SNCAIP: variants seen among roughly 807,000 people sequenced by gnomAD.
SNCAIP encodes the protein synuclein alpha interacting protein, also known as synphilin-1.
A neutral mutation model predicts 86.7 loss-of-function variants in SNCAIP; 43 were observed. The observed-to-expected ratio is 0.50, with a 90% confidence interval of 0.39 to 0.64. The LOEUF is 0.64. Among genes scored for constraint, SNCAIP ranks in the 30% least tolerant of loss-of-function variants. The pLI, the probability that SNCAIP is intolerant of heterozygous loss-of-function variation, is 0.00. For synonymous variants in SNCAIP, 417 were observed against 427.2 expected, an observed-to-expected ratio of 0.98 and a Z score of 0.29; for missense variants, 981 against 1,103.1, an observed-to-expected ratio of 0.89 and a Z score of 1.57.
At chr5:122,315,972 T>TA (rs1185839351) in intron 1 of SNCAIP, among the ~76,000 whole-genome samples, 1 of 152,146 alleles carries the variant, frequency 6.6e-6, no homozygotes, top group East Asian at 1.9e-4. Context: ...CTTAAGTGAC[T>TA]AAAAGAATGA....
intron 6 of SNCAIP, chr5:122,436,694 A>G (rs1244683854): frequency 1.3e-5 from 2 of 152,182 alleles, no homozygotes; most frequent in Non-Finnish European, 2.9e-5. Context: ...CTTTTAAAAC[A>G]TGGATTGCCA....
In SNCAIP at chr5:122,463,515, G is replaced by T; in HGVS notation, c.*19G>T. On this transcript the variant is annotated 3_prime_UTR_variant, in exon 11 of 11. Coordinates refer to ENST00000261368, the MANE Select transcript of SNCAIP (RefSeq NM_005460.4). ...GGCATAATGACATCAATAGAAAAAT[G>T]AAGAAATCCTACAGCATAAAGCACA... The T allele has an allele frequency of 6.2e-7, 1 of 1,607,536 alleles. No individual in the cohort carries two copies. Among genetic ancestry groups the T allele is most frequent in the East Asian group, 2.2e-5 (1 of 44,752 alleles).
chr5:122,322,804 T>C (rs1024911808), intron 1 of SNCAIP, among the ~76,000 whole-genome samples: 3 of 152,374 alleles, frequency 2.0e-5, no homozygotes, highest in Admixed American at 2.0e-4. Flanking sequence ...TTAAGTAATT[T>C]GATGATCTTG....
At chr5:122,317,694 T>C (rs1752059357) in intron 1 of SNCAIP, among the ~76,000 whole-genome samples, 1 of 152,078 alleles carries the variant, frequency 6.6e-6, no homozygotes, top group African/African-American at 2.4e-5. Context: ...AAAGGAAATA[T>C]TGAAAAGAAG....
chr5:122,328,884 A>G (rs1418808948), intron 1 of SNCAIP, among the ~76,000 whole-genome samples: 1 of 152,084 alleles, frequency 6.6e-6, no homozygotes, highest in Non-Finnish European at 1.5e-5. Context: ...AGATTCCTAA[A>G]ATTTCCAAAG....
Position 122,444,724 on chromosome 5 carries a change from G to C in SNCAIP, c.1584G>C (p.Gln528His). 3 of 1,613,762 alleles carry C rather than the reference G, an allele frequency of 1.9e-6. No homozygotes were observed. Among genetic ancestry groups the C allele is most frequent in the Middle Eastern group, 1.7e-4 (1 of 6,056 alleles). The change falls in exon 8 of 11, where the codon CAG (glutamine) becomes CAC (histidine). Residue 528 changes from glutamine (Q) to histidine (H), a missense_variant. By Grantham distance (24) the Gln-to-His change is conservative. Coordinates refer to ENST00000261368, the MANE Select transcript of SNCAIP (RefSeq NM_005460.4). ...CTCAAGTGGTGAAGTTAACCAAGCA[G>C]CTAAAGGAGTAAGTGGCCTGTTGGT... ...LASQVVKLTK[Q>H]LKEQTVERVT...
intron 1 of SNCAIP, among the ~76,000 whole-genome samples, chr5:122,340,702 G>A (rs1044076869): frequency 6.6e-6 from 1 of 152,246 alleles, no homozygotes; most frequent in Middle Eastern, 3.4e-3. Context: ...TGTCCTATGT[G>A]CATAAGTAAT....
intron 1 of SNCAIP, among the ~76,000 whole-genome samples, chr5:122,364,132 A>G (rs145039023): frequency 0.011 from 1,611 of 152,296 alleles, 13 homozygotes; most frequent in Non-Finnish European, 0.012. Context: ...GAGCAACTCC[A>G]TCTTGAATAG....
At chr5:122,323,918 G>A (rs1457848087) in intron 1 of SNCAIP, among the ~76,000 whole-genome samples, 1 of 151,970 alleles carries the variant, frequency 6.6e-6, no homozygotes, top group Non-Finnish European at 1.5e-5. Flanking sequence ...GTGACACATC[G>A]TACAACCGTT....
chr5:122,440,240 A>G (rs1780531365), intron 6 of SNCAIP, among the ~76,000 whole-genome samples: 2 of 152,276 alleles, frequency 1.3e-5, no homozygotes, highest in Admixed American at 1.3e-4. Context: ...TACAGGCAGT[A>G]TAACACAGCA....
At chr5:122,457,782 T>G (rs3811873) in intron 10 of SNCAIP, among the ~76,000 whole-genome samples, 31,991 of 152,212 alleles carry the variant, frequency 0.21, 3,785 homozygotes, top group South Asian at 0.32. Context: ...CTTGAACTAT[T>G]TCTTCACATG....
chr5:122,327,114 C>A (rs140590800), intron 1 of SNCAIP, among the ~76,000 whole-genome samples: 1,643 of 151,874 alleles, frequency 0.011, 24 homozygotes, highest in African/African-American at 0.038. Flanking sequence ...TTTTTTGCCT[C>A]AAGTGAAATA....
chr5:122,377,206 GAC>G (rs1301661639), intron 1 of SNCAIP, among the ~76,000 whole-genome samples: 1 of 152,068 alleles, frequency 6.6e-6, no homozygotes, highest in Admixed American at 6.6e-5. Context: ...TATTGCATAA[GAC>G]AGTTTCTCAA....
At chr5:122,316,199 C>G (rs1460652795) in intron 1 of SNCAIP, among the ~76,000 whole-genome samples, 1 of 152,150 alleles carries the variant, frequency 6.6e-6, no homozygotes, top group Non-Finnish European at 1.5e-5. Context: ...CAACAGAAAA[C>G]AAAATACAAC....
At chr5:122,444,939 C>T (rs1355883847) in intron 8 of SNCAIP, 1 of 612,078 alleles carries the variant, frequency 1.6e-6, no homozygotes, top group Non-Finnish European at 3.0e-6. Flanking sequence ...GATGTCTAAA[C>T]AGTAAAGTGT....
chr5:122,330,139 T>TTTTTTTTTTTTTTTTTTTTTTTTTTG (rs60571600), intron 1 of SNCAIP, among the ~76,000 whole-genome samples: 1 of 140,590 alleles, frequency 7.1e-6, no homozygotes. Flanking sequence ...TTTTTTTTTT[T>TTTTTTTTTTTTTTTTTTTTTTTTTTG]GAGACGGAGT....
intron 1 of SNCAIP, among the ~76,000 whole-genome samples, chr5:122,341,855 C>G (rs1265340057): frequency 1.3e-5 from 2 of 152,160 alleles, no homozygotes; most frequent in Non-Finnish European, 2.9e-5. Context: ...AAAAACAATA[C>G]TCCATCCCGA....
intron 4 of SNCAIP, among the ~76,000 whole-genome samples, chr5:122,424,434 A>C (rs1776985197): frequency 1.3e-5 from 2 of 152,236 alleles, no homozygotes; most frequent in East Asian, 3.8e-4. Context: ...TGGATCAAAC[A>C]GTAGCAAGCC....
At chr5:122,341,095 A>G (rs10038386) in intron 1 of SNCAIP, among the ~76,000 whole-genome samples, 4,425 of 152,314 alleles carry the variant, frequency 0.029, 209 homozygotes, top group African/African-American at 0.1. Context: ...GGAAGGACAT[A>G]TTTAAAGTTA....
Sources: gnomAD v4.1 joint callset for allele counts (sites outside exome capture counted in the v4.1 genomes callset) on GRCh38, gnomAD v4.1.1 for gene constraint, MANE v1.5 for transcripts, NCBI Gene and HGNC (gene_info 2026-07-23, HGNC 2026-07-21) for gene names.